USP20: variants seen among roughly 807,000 people sequenced by gnomAD.
The protein encoded by USP20 is ubiquitin carboxyl-terminal hydrolase 20.
USP20 carries 80 observed loss-of-function variants against 124.2 expected under a neutral mutation model. The observed-to-expected ratio is 0.64, with a 90% CI of 0.54 to 0.78. USP20 has a LOEUF of 0.78. Among genes scored for constraint, USP20 ranks in the 30% least tolerant of loss-of-function variants. USP20 has a pLI of 0.00. For synonymous variants in USP20, 481 were observed against 512.3 expected (o/e 0.94, Z 0.83); for missense variants, 1,043 against 1,244.4 (o/e 0.84, Z 2.44).
At chr9:129,876,052 G>A (rs2034389641) in intron 21 of USP20, 78 bp from the exon 22 acceptor site, 14 of 1,285,200 alleles carry the variant, frequency 1.1e-5, no homozygotes, top group Non-Finnish European at 3.3e-6. Context: ...GCTTGAGGGG[G>A]AAGTGGAAGG....
chr9:129,869,172 G>A, intron 12 of USP20, 138 bp from the exon 13 acceptor site: 4 of 1,310,862 alleles, frequency 3.1e-6, no homozygotes, highest in South Asian at 2.7e-5. Context: ...TGACACAGAG[G>A]CATGAGATGG....
chr9:129,857,459 G>A (rs559729503), intron 4 of USP20, among the ~76,000 whole-genome samples: 6 of 152,340 alleles, frequency 3.9e-5, no homozygotes, highest in South Asian at 2.1e-4. Context: ...ACTGGCTGGC[G>A]TGGAGGCTCA....
At position 129,862,575 on chromosome 9, in the gene USP20, C is replaced by T. The variant is rs546822266; in HGVS notation, c.498-611C>T. 1.1e-4 allele frequency among the ~76,000 whole-genome samples: 16 copies of T among 140,716 alleles called. No individual in the cohort carries two copies. The East Asian group carries it at 3.2e-3, about 29-fold the overall frequency. The allele number at this position is 140,716 out of a possible 152,430, so 92.3% of individuals were successfully genotyped here. A position where few individuals can be genotyped will look rare whatever the true frequency, so the allele number is the denominator to read the frequency against. On this transcript the variant is annotated intron_variant, in intron 8 of 25. Coordinates refer to ENST00000372429, the MANE Select transcript of USP20 (RefSeq NM_001110303.4). ...CTCAAAAAAAAAAAGAAAAATTGAC[C>T]GCACCCAATCCGTTTTAACTTTAAT...
chr9:129,880,209 A>G lies in USP20; in HGVS notation c.2681A>G (p.Gln894Arg). 6.2e-7 allele frequency: 1 copy of G among 1,613,624 alleles called. No homozygotes were observed. Among genetic ancestry groups the G allele is most frequent in the Non-Finnish European group, 8.5e-7 (1 of 1,179,944 alleles). Residue 894 changes from glutamine (Q) to arginine (R), a missense_variant, in exon 25 of 26, where the codon CAG becomes CGG. Physicochemically the swap from Gln to Arg is conservative, Grantham distance 43. Coordinates refer to ENST00000372429, the MANE Select transcript of USP20 (RefSeq NM_001110303.4). ...PEIAIRQSVA[Q>R]PLGPENLHGE... ...ATTGCCATCCGCCAGAGTGTGGCGC[A>G]GCCGCTGGGCCCAGAGAACCTGCAC...
intron 1 of USP20, among the ~76,000 whole-genome samples, chr9:129,846,132 T>C (rs2032526832): frequency 6.6e-6 from 1 of 150,768 alleles, no homozygotes; most frequent in South Asian, 2.1e-4. Context: ...GGTCTCACCA[T>C]GTTAGCCAGG....
At chr9:129,836,324 C>T (rs1169008390) in intron 1 of USP20, among the ~76,000 whole-genome samples, 1 of 152,220 alleles carries the variant, frequency 6.6e-6, no homozygotes, top group Non-Finnish European at 1.5e-5. Flanking sequence ...GGCAAAGCAT[C>T]ATCTCATTGA....
At chr9:129,877,946 C>T (rs1564225120) in intron 22 of USP20, among the ~76,000 whole-genome samples, 1 of 152,030 alleles carries the variant, frequency 6.6e-6, no homozygotes, top group Non-Finnish European at 1.5e-5. Context: ...GTGGCACACA[C>T]CTGTAATCCC....
chr9:129,837,504 T>C (rs2031931328), intron 1 of USP20, among the ~76,000 whole-genome samples: 3 of 152,058 alleles, frequency 2.0e-5, no homozygotes, highest in Admixed American at 6.5e-5. Context: ...AATGTATTTA[T>C]TGGATCAATG....
At chr9:129,855,632 C>T (rs1169382023) in intron 3 of USP20, among the ~76,000 whole-genome samples, 1 of 152,108 alleles carries the variant, frequency 6.6e-6, no homozygotes, top group Admixed American at 6.6e-5. Context: ...ACAGAAGTGG[C>T]ACACATCGTT....
intron 2 of USP20, among the ~76,000 whole-genome samples, chr9:129,851,355 G>A (rs1321028262): frequency 1.3e-5 from 2 of 149,982 alleles, no homozygotes; most frequent in Non-Finnish European, 3.0e-5. Flanking sequence ...GAACTCCTGG[G>A]CTCACATGAT....
At chr9:129,845,806 A>G (rs2032506012) in intron 1 of USP20, among the ~76,000 whole-genome samples, 2 of 152,358 alleles carry the variant, frequency 1.3e-5, no homozygotes, top group South Asian at 4.1e-4. Flanking sequence ...CAAAAAGGAA[A>G]TAAAAATCAC....
At chr9:129,872,820 C>T (rs909329623) in intron 15 of USP20, among the ~76,000 whole-genome samples, 6 of 152,090 alleles carry the variant, frequency 3.9e-5, no homozygotes, top group Non-Finnish European at 8.8e-5. Context: ...TGGGACCAGC[C>T]TGGGCAACAT....
In USP20 at chr9:129,873,764, A is replaced by G. The variant is rs766332829; in HGVS notation, c.1740+20A>G. 2.5e-6 allele frequency: 4 copies of G among 1,609,566 alleles called. No individual in the cohort carries two copies. The highest frequency in any genetic ancestry group is 2.2e-5 in the East Asian group (1 of 44,856). On this transcript the variant is annotated intron_variant, in intron 17 of 25. Coordinates refer to ENST00000372429, the MANE Select transcript of USP20 (RefSeq NM_001110303.4). ...CCCGAGGTGAGCCAGTGGCCTCGGC[A>G]GCCTCCTCCTCAGCTATCTCGGGAT...
At chr9:129,854,932 A>T (rs938563780) in intron 3 of USP20, among the ~76,000 whole-genome samples, 1 of 152,174 alleles carries the variant, frequency 6.6e-6, no homozygotes. Context: ...CTGGGAGCCA[A>T]CATGGCCACC....
intron 22 of USP20, among the ~76,000 whole-genome samples, chr9:129,878,027 G>A (rs575797227): frequency 1.3e-5 from 2 of 152,202 alleles, no homozygotes; most frequent in Admixed American, 6.5e-5. Context: ...AGCCGAGATC[G>A]CGCCACTGCA....
In USP20 at chr9:129,858,091, C is replaced by T; in HGVS notation, c.177C>T (p.Asp59=). The T allele has an allele frequency of 6.2e-7, 1 of 1,613,944 alleles. No homozygotes were observed. Among genetic ancestry groups the T allele is most frequent in the African/African-American group, 1.3e-5 (1 of 75,064 alleles). ...TTGGCTGCGGAGAATCCTTTGCTGA[C>T]CACAGCACCATTCATGCACAGGTGA... ...PYVGCGESFA[D]HSTIHAQAKK... The change falls in exon 5 of 26, where the codon GAC becomes GAT. Residue 59 remains aspartate, a synonymous_variant. Transcript: ENST00000372429.
intron 3 of USP20, among the ~76,000 whole-genome samples, chr9:129,855,574 A>C (rs2033170304): frequency 1.3e-5 from 2 of 152,162 alleles, no homozygotes; most frequent in Admixed American, 1.3e-4. Context: ...CATCACATCC[A>C]CATTCCAGCC....
At chr9:129,853,551 T>C (rs2033048280) in intron 3 of USP20, among the ~76,000 whole-genome samples, 1 of 152,204 alleles carries the variant, frequency 6.6e-6, no homozygotes. Flanking sequence ...CCTGGGCATA[T>C]TGGCACCTAA....
intron 1 of USP20, among the ~76,000 whole-genome samples, chr9:129,841,278 TTGG>T (rs1285530659): frequency 6.6e-6 from 1 of 152,204 alleles, no homozygotes; most frequent in Non-Finnish European, 1.5e-5. Flanking sequence ...GTGTCCTGGC[TTGG>T]TCTTTCCTCT....
Sources: gnomAD v4.1 joint callset for allele counts (sites outside exome capture counted in the v4.1 genomes callset) on GRCh38, gnomAD v4.1.1 for gene constraint, MANE v1.5 for transcripts, NCBI Gene and HGNC (gene_info 2026-07-23, HGNC 2026-07-21) for gene names.